AR: variants seen among roughly 807,000 people sequenced by gnomAD.
AR encodes the protein androgen receptor.
Under a neutral mutation model 53.9 loss-of-function variants are expected in AR, and 8 were observed. The ratio of observed to expected loss-of-function variants is 0.15; its 90% CI spans 0.09 to 0.27. The LOEUF is 0.27. Among genes scored for constraint, AR ranks in the 10% least tolerant of loss-of-function variants. The probability of loss-of-function intolerance (pLI) is 1.00; values close to 1 mark genes in which losing one functional copy is unlikely to be tolerated. For synonymous variants in AR, 359 were observed against 316.4 expected, an observed-to-expected ratio of 1.13 and a Z score of -1.43; for missense variants, 639 against 742.5, an observed-to-expected ratio of 0.86 and a Z score of 1.62.
At chrX:67,605,561 C>T (rs1011928712) in intron 1 of AR, among the ~76,000 whole-genome samples, 10 of 111,967 alleles carry the variant, frequency 8.9e-5, no homozygotes, top group African/African-American at 2.6e-4. Context: ...TTGGCATGCA[C>T]GTGTGTGTTC....
intron 2 of AR, among the ~76,000 whole-genome samples, chrX:67,672,274 G>C (rs904534611): frequency 1.8e-5 from 2 of 110,903 alleles, no homozygotes; most frequent in African/African-American, 6.6e-5. Context: ...CTCCATCCAG[G>C]TGTCTTGTTT....
intron 2 of AR, among the ~76,000 whole-genome samples, chrX:67,666,141 A>G (rs996622270): frequency 1.8e-5 from 2 of 111,059 alleles, no homozygotes; most frequent in African/African-American, 6.6e-5. Context: ...CTGTTGAGCT[A>G]TCAAATACTA....
At chrX:67,607,050 A>G (rs1215310291) in intron 1 of AR, among the ~76,000 whole-genome samples, 1 of 109,642 alleles carries the variant, frequency 9.1e-6, no homozygotes. Flanking sequence ...TTTATTTGAG[A>G]TGGAGTTTTG....
In AR at chrX:67,711,673, G is replaced by A. The variant is rs137852563; in HGVS notation, c.2157G>A (p.Trp719Ter). 1 of 1,205,172 alleles carries A rather than the reference G, an allele frequency of 8.3e-7. No individual in the cohort carries two copies. The highest frequency in any genetic ancestry group is 1.1e-6 in the Non-Finnish European group (1 of 892,194). Residue 719 changes from tryptophan to a stop codon, truncating the protein, a stop_gained, in exon 4 of 8, where the codon TGG becomes TGA. Transcript: ENST00000374690. LOFTEE classifies it high-confidence loss of function. ...GERQLVHVVKWAKALPGFRNL... is the reference protein window; with the variant it reads ...GERQLVHVVK Reference sequence around the variant, plus strand: ...GACAGCTTGTACACGTGGTCAAGTGGGCCAAGGCCTTGCCTGGTAAGGAAA... The same window carrying A: ...GACAGCTTGTACACGTGGTCAAGTGAGCCAAGGCCTTGCCTGGTAAGGAAA...
chrX:67,689,561 G>C (rs1463548615), intron 3 of AR: 1 of 963,879 alleles, frequency 1.0e-6, no homozygotes, highest in African/African-American at 2.0e-5. Context: ...TCTAGCAGCT[G>C]TTGTTGTTTC....
At position 67,724,054 on chromosome X, in the gene AR, C is replaced by G. The variant is rs771152203; in HGVS notation, c.*213C>G. On this transcript the variant is annotated 3_prime_UTR_variant, in exon 8 of 8. Coordinates refer to ENST00000374690, the MANE Select transcript of AR (RefSeq NM_000044.6). ...TCTTCTTCCCTCCCTATCTAACCCT[C>G]CCATGGCACCTTCAGACTTTGCTTC... is the stretch of plus-strand genomic sequence containing the variant. 2 of 453,680 alleles carry G rather than the reference C, an allele frequency of 4.4e-6. No homozygotes were observed. The highest frequency in any genetic ancestry group is 6.3e-4 in the Middle Eastern group (1 of 1,587). 37.4% of individuals were successfully genotyped at this position (453,680 alleles called of 1,213,427 possible). A position where few individuals can be genotyped will look rare whatever the true frequency, so the allele number is the denominator to read the frequency against.
At chrX:67,667,438 ATGT>A (rs1927323358) in intron 2 of AR, among the ~76,000 whole-genome samples, 1 of 111,263 alleles carries the variant, frequency 9.0e-6, no homozygotes, top group Non-Finnish European at 1.9e-5. Flanking sequence ...TGTGAATACC[ATGT>A]TGTTTTGGTT....
At chrX:67,605,629 G>T (rs1319949460) in intron 1 of AR, among the ~76,000 whole-genome samples, 5 of 111,983 alleles carry the variant, frequency 4.5e-5, no homozygotes, top group Non-Finnish European at 9.4e-5. Flanking sequence ...TTGCCATTTT[G>T]TTTTACAGCC....
intron 3 of AR, chrX:67,695,700 C>T: frequency 2.7e-6 from 2 of 750,483 alleles, no homozygotes; most frequent in Non-Finnish European, 3.1e-6. Context: ...CCCTGACTTG[C>T]CTGGGGCCTG....
intron 2 of AR, among the ~76,000 whole-genome samples, chrX:67,678,508 G>A (rs1346148093): frequency 1.8e-5 from 2 of 111,551 alleles, no homozygotes. Context: ...GTATTCCATC[G>A]TGTATGTACA....
At chrX:67,704,595 T>C (rs1274213006) in intron 3 of AR, among the ~76,000 whole-genome samples, 1 of 111,984 alleles carries the variant, frequency 8.9e-6, no homozygotes, top group Non-Finnish European at 1.9e-5. Flanking sequence ...ATTCTGTAGG[T>C]TGCCTGTTCA....
At chrX:67,623,220 A>G (rs1051623663) in intron 1 of AR, among the ~76,000 whole-genome samples, 16 of 110,698 alleles carry the variant, frequency 1.4e-4, no homozygotes, top group Admixed American at 7.7e-4. Context: ...ACGCTAGCAA[A>G]CGTTGTGAAA....
At chrX:67,600,563 C>A (rs183572999) in intron 1 of AR, among the ~76,000 whole-genome samples, 24 of 110,399 alleles carry the variant, frequency 2.2e-4, no homozygotes, top group African/African-American at 7.9e-4. Context: ...GTTGGTGGGG[C>A]AGGGGAGGGT....
chrX:67,685,243 G>A (rs140577734), intron 2 of AR, among the ~76,000 whole-genome samples: 1,216 of 111,848 alleles, frequency 0.011, 11 homozygotes, highest in Non-Finnish European at 0.017. Flanking sequence ...TTGTGCTAGC[G>A]TAAAGGAGCA....
chrX:67,608,389 C>T (rs1259302286), intron 1 of AR, among the ~76,000 whole-genome samples: 1 of 111,987 alleles, frequency 8.9e-6, no homozygotes, highest in Non-Finnish European at 1.9e-5. Context: ...TTTGTTTTAA[C>T]TTCAGTGGTG....
intron 2 of AR, among the ~76,000 whole-genome samples, chrX:67,681,884 G>A (rs918169237): frequency 2.7e-5 from 3 of 112,181 alleles, no homozygotes; most frequent in Non-Finnish European, 5.6e-5. Context: ...AGCAAACCAA[G>A]GATGTGATAA....
intron 2 of AR, among the ~76,000 whole-genome samples, chrX:67,676,986 T>G (rs1380295031): frequency 1.8e-5 from 2 of 110,652 alleles, no homozygotes; most frequent in Non-Finnish European, 3.8e-5. Flanking sequence ...AGGGTAGTAC[T>G]GGCAGTGGTG....
At chrX:67,645,488 G>T (rs748608617) in intron 2 of AR, among the ~76,000 whole-genome samples, 1 of 110,910 alleles carries the variant, frequency 9.0e-6, no homozygotes, top group Non-Finnish European at 1.9e-5. Context: ...CCAACTCACA[G>T]AACACACAGA....
rs769164625 is a variant in AR, at chrX:67,695,367, GAGA to G, written c.1885+9247_1885+9249del. The G allele has an allele frequency of 8.0e-6, 6 of 751,759 alleles. No homozygotes were observed. In the African/African-American group the frequency reaches 1.2e-4, roughly 15 times the overall value. The allele number at this position is 751,759 out of a possible 1,213,427, so 62.0% of individuals were successfully genotyped here. On this transcript the variant is annotated intron_variant, in intron 3 of 7. Coordinates refer to ENST00000374690, the MANE Select transcript of AR (RefSeq NM_000044.6). ...AAGGACCAGATTTCTGCTTCTCCAG[GAGA>G]AGAAGCCAGCCAACCCCTCTCTTCA...
Sources: allele counts gnomAD v4.1 joint callset (sites outside exome capture counted in the v4.1 genomes callset), GRCh38; gene constraint gnomAD v4.1.1; transcripts MANE v1.5; gene names NCBI Gene and HGNC (gene_info 2026-07-23, HGNC 2026-07-21).